The following CACNB2 variants were observed in gnomAD, a reference collection of about 807,000 sequenced individuals.
The protein encoded by CACNB2 is calcium voltage-gated channel auxiliary subunit beta 2, also known as voltage-dependent L-type calcium channel subunit beta-2.
CACNB2 carries 42 observed loss-of-function variants against 73.3 expected under a neutral mutation model. The ratio of observed to expected loss-of-function variants is 0.57; its 90% confidence interval spans 0.45 to 0.74. The LOEUF (loss-of-function observed/expected upper bound fraction) is 0.74, where lower values mean the gene tolerates loss of function less well. Ranked by LOEUF, CACNB2 falls within the 30% of genes least tolerant of loss-of-function variation. The pLI is 0.00. For missense variants in CACNB2, 940 were observed against 853.0 expected (o/e 1.10, Z -1.27); for synonymous variants, 348 against 310.3 (o/e 1.12, Z -1.28).
At chr10:18,245,102 G>A (rs1449348855) in intron 2 of CACNB2, among the ~76,000 whole-genome samples, 1 of 149,648 alleles carries the variant, frequency 6.7e-6, no homozygotes, top group Non-Finnish European at 1.5e-5. Context: ...TTTTTCCCCA[G>A]TAAGACTCAT....
intron 9 of CACNB2, among the ~76,000 whole-genome samples, chr10:18,525,344 T>C (rs1340436581): frequency 6.6e-6 from 1 of 152,196 alleles, no homozygotes; most frequent in Admixed American, 6.5e-5. Context: ...AGGAAGGGTA[T>C]ATACATGTTT....
At position 18,348,289 on chromosome 10, in the gene CACNB2, C is replaced by A. The variant is rs368305448; in HGVS notation, c.214-53635C>A. On this transcript the variant is annotated intron_variant, in intron 2 of 13. Transcript: ENST00000324631. ...TTGAAAATTTGGAAATTGTGGAATT[C>A]AGTTCAATTTAGAATACTTACTGAA... 1.2e-4 allele frequency among the ~76,000 whole-genome samples: 19 copies of A among 152,262 alleles called. No individual in the cohort carries two copies. In the South Asian group the frequency reaches 1.5e-3, roughly 12 times the overall value.
At chr10:18,358,105 G>T (rs116350600) in intron 2 of CACNB2, among the ~76,000 whole-genome samples, 1 of 152,112 alleles carries the variant, frequency 6.6e-6, no homozygotes, top group East Asian at 1.9e-4. Flanking sequence ...TGATTAACTG[G>T]AGACAGAGTC....
At chr10:18,283,508 A>T (rs2038648523) in intron 2 of CACNB2, among the ~76,000 whole-genome samples, 2 of 152,184 alleles carry the variant, frequency 1.3e-5, no homozygotes, top group Admixed American at 6.5e-5. Context: ...GGATGAGTTC[A>T]TGTCCTTTGT....
chr10:18,270,555 G>A (rs2038008385), intron 2 of CACNB2, among the ~76,000 whole-genome samples: 1 of 152,102 alleles, frequency 6.6e-6, no homozygotes, highest in South Asian at 2.1e-4. Context: ...ATGTTGCTAT[G>A]AGACACTTCT....
At chr10:18,355,208 T>TG (rs2041859903) in intron 2 of CACNB2, among the ~76,000 whole-genome samples, 1 of 47,094 alleles carries the variant, frequency 2.1e-5, no homozygotes, top group African/African-American at 9.9e-5. Context: ...ATGTACACTC[T>TG]AAGTGTTTCA....
intron 2 of CACNB2, chr10:18,261,018 C>A: frequency 7.2e-7 from 1 of 1,394,538 alleles, no homozygotes; most frequent in Non-Finnish European, 9.3e-7. Context: ...AATAGGAAAC[C>A]CCCTTGAAGA....
intron 2 of CACNB2, among the ~76,000 whole-genome samples, chr10:18,252,108 A>G (rs1564377769): frequency 6.6e-6 from 1 of 152,234 alleles, no homozygotes; most frequent in Non-Finnish European, 1.5e-5. Context: ...AGCCAAATCT[A>G]TAAGGAGTTA....
intron 2 of CACNB2, among the ~76,000 whole-genome samples, chr10:18,277,319 C>A (rs1281039017): frequency 6.6e-6 from 1 of 152,202 alleles, no homozygotes; most frequent in African/African-American, 2.4e-5. Flanking sequence ...GTGTTCATGG[C>A]AGAACACCAG....
chr10:18,346,752 G>A lies in CACNB2; in HGVS notation c.214-55172G>A, dbSNP rs182317701. Among the ~76,000 whole-genome samples, 296 of 151,144 alleles carry A rather than the reference G, an allele frequency of 2.0e-3. 1 individual carries two copies. The highest frequency in any genetic ancestry group is 6.8e-3 in the African/African-American group (282 of 41,168). On this transcript the variant is annotated intron_variant, in intron 2 of 13. Transcript: ENST00000324631. ...GCTGGGACTACAGGCATGTGCCACC[G>A]CGCCTGGCTAATTTTTGTGTTTTTC...
At chr10:18,280,361 A>G (rs1474125879) in intron 2 of CACNB2, among the ~76,000 whole-genome samples, 1 of 152,190 alleles carries the variant, frequency 6.6e-6, no homozygotes, top group Non-Finnish European at 1.5e-5. Flanking sequence ...TTTATTTTGT[A>G]GATGATGAAA....
At chr10:18,170,727 G>A (rs755032570) in intron 2 of CACNB2, among the ~76,000 whole-genome samples, 3 of 152,186 alleles carry the variant, frequency 2.0e-5, no homozygotes, top group Non-Finnish European at 4.4e-5. Flanking sequence ...CAGCACTGAC[G>A]TGCTAGAGGG....
intron 2 of CACNB2, among the ~76,000 whole-genome samples, chr10:18,366,752 C>T (rs537931250): frequency 5.7e-4 from 85 of 150,258 alleles, no homozygotes; most frequent in Admixed American, 4.7e-3. Flanking sequence ...ATTGTGCCAC[C>T]GCACACTCCA....
intron 2 of CACNB2, among the ~76,000 whole-genome samples, chr10:18,397,426 C>T (rs774308225): frequency 6.6e-6 from 1 of 151,930 alleles, no homozygotes; most frequent in Non-Finnish European, 1.5e-5. Context: ...GATTGAGCCA[C>T]TGCACTCTAG....
chr10:18,266,998 ATG>A (rs1184987293), intron 2 of CACNB2, among the ~76,000 whole-genome samples: 4 of 151,806 alleles, frequency 2.6e-5, no homozygotes, highest in Non-Finnish European at 5.9e-5. Flanking sequence ...TATATATACT[ATG>A]TGTGTGTGTG....
intron 3 of CACNB2, among the ~76,000 whole-genome samples, chr10:18,449,538 A>G (rs2046915019): frequency 1.3e-5 from 2 of 152,350 alleles, no homozygotes; most frequent in African/African-American, 2.4e-5. Context: ...AACCGTAGAT[A>G]CTTACATCGT....
intron 9 of CACNB2, among the ~76,000 whole-genome samples, chr10:18,524,886 T>C (rs2052310269): frequency 6.7e-6 from 1 of 149,002 alleles, no homozygotes; most frequent in Non-Finnish European, 1.5e-5. Context: ...AAAAATTAGC[T>C]AGGTGTGGTG....
At chr10:18,288,564 C>A (rs1282745197) in intron 2 of CACNB2, among the ~76,000 whole-genome samples, 1 of 152,070 alleles carries the variant, frequency 6.6e-6, no homozygotes, top group Admixed American at 6.5e-5. Flanking sequence ...CCTAATGGAA[C>A]TGTAACCAAT....
chr10:18,153,563 C>CTTACTTAT (rs138892750), intron 2 of CACNB2, among the ~76,000 whole-genome samples: 12 of 142,744 alleles, frequency 8.4e-5, no homozygotes, highest in East Asian at 6.2e-4. Flanking sequence ...CTAGATTTTA[C>CTTACTTAT]TTATTTATTT....
Sources: gnomAD v4.1 joint callset for allele counts (sites outside exome capture counted in the v4.1 genomes callset) on GRCh38, gnomAD v4.1.1 for gene constraint, MANE v1.5 for transcripts, NCBI Gene and HGNC (gene_info 2026-07-23, HGNC 2026-07-21) for gene names.